KAZN: variants seen among roughly 807,000 people sequenced by gnomAD.
KAZN encodes the protein kazrin, periplakin interacting protein.
Under a neutral mutation model 87.4 loss-of-function variants are expected in KAZN, and 40 were observed. The ratio of observed to expected loss-of-function variants is 0.46; its 90% confidence interval spans 0.36 to 0.60. The LOEUF (loss-of-function observed/expected upper bound fraction) is 0.60. Ranked by LOEUF, KAZN falls within the 20% of genes least tolerant of loss-of-function variation. The pLI is 0.00. For synonymous variants in KAZN, 466 were observed against 458.3 expected (o/e 1.02, Z -0.22); for missense variants, 898 against 1,073.9 (o/e 0.84, Z 2.29).
chr1:15,068,810 T>A (rs1040375767), intron 8 of KAZN, among the ~76,000 whole-genome samples: 1 of 151,910 alleles, frequency 6.6e-6, no homozygotes, highest in Admixed American at 6.6e-5. Context: ...GAAAAAAAAT[T>A]TTCCCCGGCA....
intron 2 of KAZN, among the ~76,000 whole-genome samples, chr1:14,344,595 AAT>A (rs1445760481): frequency 6.6e-6 from 1 of 152,194 alleles, no homozygotes; most frequent in African/African-American, 2.4e-5. Flanking sequence ...AAAGGATTAA[AAT>A]ATATAGCATG....
intron 1 of KAZN, among the ~76,000 whole-genome samples, chr1:14,652,286 T>A (rs1638431834): frequency 6.6e-6 from 1 of 152,178 alleles, no homozygotes; most frequent in South Asian, 2.1e-4. Flanking sequence ...TTTTACCCAA[T>A]TTGCTTTCAT....
chr1:14,549,033 C>T (rs1673341692), intron 2 of KAZN, among the ~76,000 whole-genome samples: 1 of 152,212 alleles, frequency 6.6e-6, no homozygotes, highest in African/African-American at 2.4e-5. Context: ...GTTTCTGTTG[C>T]TATCCTAAAC....
chr1:14,910,971 A>T (rs1174646499), intron 1 of KAZN, among the ~76,000 whole-genome samples: 3 of 152,228 alleles, frequency 2.0e-5, no homozygotes, highest in Non-Finnish European at 4.4e-5. Flanking sequence ...CCTTTCCTAT[A>T]GACCAAGCTT....
Position 14,961,505 on chromosome 1 carries a change from G to A in KAZN, c.418+630G>A, listed in dbSNP as rs544928452. 9.2e-5 allele frequency among the ~76,000 whole-genome samples: 14 copies of A among 152,248 alleles called. No individual in the cohort carries two copies. The East Asian group carries it at 9.7e-4, about 11-fold the overall frequency. On this transcript the variant is annotated intron_variant, in intron 2 of 14. Coordinates refer to ENST00000376030, the MANE Select transcript of KAZN (RefSeq NM_201628.3). ...GGAGGGACCCACATCCCTCTCTCCC[G>A]GGAGGCACTGCCACATTCTATGGGG...
At chr1:14,365,912 A>C (rs571716948) in intron 2 of KAZN, among the ~76,000 whole-genome samples, 1 of 152,238 alleles carries the variant, frequency 6.6e-6, no homozygotes, top group African/African-American at 2.4e-5. Flanking sequence ...ATAACGACTC[A>C]AAATTTCGCC....
chr1:14,514,507 T>TAA (rs373002118), intron 2 of KAZN, among the ~76,000 whole-genome samples: 33 of 99,886 alleles, frequency 3.3e-4, no homozygotes, highest in African/African-American at 1.5e-3. Context: ...GTAAAATATA[T>TAA]AATATATGAA....
intron 1 of KAZN, among the ~76,000 whole-genome samples, chr1:14,842,522 C>T (rs1328900223): frequency 6.6e-6 from 1 of 152,164 alleles, no homozygotes; most frequent in Non-Finnish European, 1.5e-5. Context: ...GTGAAGCCCT[C>T]GTTGTCCTAC....
intron 1 of KAZN, among the ~76,000 whole-genome samples, chr1:14,156,699 G>A (rs777967867): frequency 4.6e-5 from 7 of 151,936 alleles, no homozygotes; most frequent in Non-Finnish European, 7.4e-5. Context: ...ATCTCTTTCC[G>A]TTCCTTTATT....
chr1:14,068,278 T>C (rs982215634), intron 1 of KAZN, among the ~76,000 whole-genome samples: 1 of 152,200 alleles, frequency 6.6e-6, no homozygotes, highest in Non-Finnish European at 1.5e-5. Flanking sequence ...TGTGTGACGA[T>C]GTTTTGGAAG....
intron 1 of KAZN, among the ~76,000 whole-genome samples, chr1:13,922,101 G>A (rs1640090369): frequency 1.3e-5 from 2 of 152,152 alleles, no homozygotes; most frequent in South Asian, 4.1e-4. Flanking sequence ...GAGAAACTGG[G>A]AAAGTATGGG....
chr1:14,330,093 G>C (rs1656738624), intron 2 of KAZN, among the ~76,000 whole-genome samples: 2 of 152,246 alleles, frequency 1.3e-5, no homozygotes, highest in South Asian at 4.1e-4. Flanking sequence ...TGTTAGAGTA[G>C]CACTTCTGCA....
intron 1 of KAZN, among the ~76,000 whole-genome samples, chr1:14,802,120 C>G (rs1376561942): frequency 6.6e-6 from 1 of 151,956 alleles, no homozygotes; most frequent in East Asian, 1.9e-4. Context: ...AAAATTGGGA[C>G]AATGGCCGGG....
chr1:14,584,178 C>T (rs1251536231), intron 2 of KAZN, among the ~76,000 whole-genome samples: 5 of 152,206 alleles, frequency 3.3e-5, no homozygotes, highest in Non-Finnish European at 7.4e-5. Context: ...TCCCTGGGGT[C>T]GTGGGGCTGG....
chr1:14,429,477 A>T (rs1665923373), intron 2 of KAZN, among the ~76,000 whole-genome samples: 1 of 152,086 alleles, frequency 6.6e-6, no homozygotes, highest in South Asian at 2.1e-4. Flanking sequence ...TGGCTTACTC[A>T]CCAGTTTCAA....
chr1:14,070,658 T>G (rs550743057), intron 1 of KAZN, among the ~76,000 whole-genome samples: 1 of 152,334 alleles, frequency 6.6e-6, no homozygotes, highest in South Asian at 2.1e-4. Flanking sequence ...CATATATGTG[T>G]GCTAGTTCAA....
At position 13,948,558 on chromosome 1, in the gene KAZN, C is replaced by T. The variant is rs567161060; in HGVS notation, c.91+54802C>T. ...GTATTTCTTCATAGCAGTGTGAGAA[C>T]GGACTCATACACATCTGGTGTGGGG... On this transcript the variant is annotated intron_variant, in intron 1 of 16. Coordinates refer to the KAZN transcript ENST00000636203. Among the ~76,000 whole-genome samples, 6 of 152,244 alleles carry T rather than the reference C, an allele frequency of 3.9e-5. No individual in the cohort carries two copies. In the South Asian group the frequency reaches 8.3e-4, roughly 21 times the overall value.
At position 14,852,318 on chromosome 1, in the gene KAZN, G is replaced by A. The variant is rs375908112; in HGVS notation, c.227-108366G>A. Among the ~76,000 whole-genome samples, 81 of 152,372 alleles carry A rather than the reference G, an allele frequency of 5.3e-4. 1 individual carries two copies. In the South Asian group the frequency reaches 0.016, roughly 30 times the overall value. On this transcript the variant is annotated intron_variant, in intron 1 of 14. Coordinates refer to ENST00000376030, the MANE Select transcript of KAZN (RefSeq NM_201628.3). Reference sequence around the variant, plus strand: ...AGAGATGGGCTGAGGCCCAGCAGGTGTGGACACAGCAGGCTTTCCATGCTT... The same window carrying A: ...AGAGATGGGCTGAGGCCCAGCAGGTATGGACACAGCAGGCTTTCCATGCTT...
chr1:14,581,420 C>A (rs1410969171), intron 2 of KAZN, among the ~76,000 whole-genome samples: 1 of 152,152 alleles, frequency 6.6e-6, no homozygotes, highest in Non-Finnish European at 1.5e-5. Context: ...CTCTACCTCT[C>A]GACTCCATCA....
Sources: gnomAD v4.1 joint callset for allele counts (sites outside exome capture counted in the v4.1 genomes callset) on GRCh38, gnomAD v4.1.1 for gene constraint, MANE v1.5 for transcripts, NCBI Gene and HGNC (gene_info 2026-07-23, HGNC 2026-07-21) for gene names.